Variants in ZFR2 observed in about 807,000 individuals in gnomAD.
ZFR2 encodes zinc finger RNA-binding protein 2.
A neutral mutation model predicts 105.7 loss-of-function variants in ZFR2; 104 were observed. That is an observed-to-expected ratio of 0.98 (90% CI 0.84 to 1.16). ZFR2 has a LOEUF of 1.16. Among genes scored for constraint, ZFR2 ranks in the 50% most tolerant of loss-of-function variants. ZFR2 has a pLI of 0.00. For synonymous variants in ZFR2, 634 were observed against 597.7 expected (o/e 1.06, Z -0.89); for missense variants, 1,425 against 1,355.5 (o/e 1.05, Z -0.80).
intron 15 of ZFR2, 32 bp from the exon 16 acceptor site, chr19:3,810,877 GGGGCTCAC>G: frequency 6.5e-7 from 1 of 1,548,366 alleles, no homozygotes; most frequent in Non-Finnish European, 8.7e-7. Flanking sequence ...TTAGCTTTCA[GGGGCTCAC>G]GTGGCCACAC....
Position 3,833,784 on chromosome 19 carries a change from TG to T in ZFR2, c.265-7del. 1 of 1,566,316 alleles carries T rather than the reference TG, an allele frequency of 6.4e-7. No individual in the cohort carries two copies. The highest frequency in any genetic ancestry group is 8.7e-7 in the Non-Finnish European group (1 of 1,154,852). ...TGTCCGTAGCTGTAACTGTCCTATG[TG>T]GGGGTTTCGGCAGGAGAGAGACAGA... On this transcript the variant is annotated splice_region_variant and splice_polypyrimidine_tract_variant and intron_variant, in intron 2 of 18. Transcript: ENST00000262961.
In ZFR2 at chr19:3,822,102, C is replaced by A. The variant is rs1371001404; in HGVS notation, c.1470G>T (p.Arg490=). ...GCACCCGGTACTGCAGCCGGTGCCG[C>A]CGCCCCCTCACGTGCAGGTCCTTCG... ...LNAKDLHVRG[R]RHRLQYRKKV... Residue 490 remains arginine, a synonymous_variant, in exon 9 of 19, where the codon CGG becomes CGT. Coordinates refer to ENST00000262961, the MANE Select transcript of ZFR2 (RefSeq NM_015174.2). 1 of 1,607,670 alleles carries A rather than the reference C, an allele frequency of 6.2e-7. No homozygotes were observed. Among genetic ancestry groups the A allele is most frequent in the Non-Finnish European group, 8.5e-7 (1 of 1,177,660 alleles).
chr19:3,819,568 T>C (rs1020149006), intron 11 of ZFR2, among the ~76,000 whole-genome samples: 13 of 152,130 alleles, frequency 8.5e-5, no homozygotes, highest in East Asian at 1.9e-4. Flanking sequence ...GAGGTTCCCA[T>C]TGAGGCCGGG....
intron 3 of ZFR2, among the ~76,000 whole-genome samples, chr19:3,832,091 G>A (rs555590934): frequency 1.3e-5 from 2 of 152,132 alleles, no homozygotes; most frequent in African/African-American, 4.8e-5. Flanking sequence ...CTGCCATGGG[G>A]GAGGAGGGCT....
chr19:3,861,754 C>T (rs2038376069), intron 1 of ZFR2, among the ~76,000 whole-genome samples: 1 of 152,146 alleles, frequency 6.6e-6, no homozygotes. Flanking sequence ...GGTGAAACCT[C>T]GTCTCTATTA....
chr19:3,856,182 C>T, intron 1 of ZFR2, among the ~76,000 whole-genome samples: 1 of 152,178 alleles, frequency 6.6e-6, no homozygotes, highest in Non-Finnish European at 1.5e-5. Context: ...GCACGAAGGA[C>T]TGCCGGCGGC....
chr19:3,809,620 C>T (rs933699157), intron 16 of ZFR2, among the ~76,000 whole-genome samples: 7 of 152,182 alleles, frequency 4.6e-5, no homozygotes, highest in Admixed American at 1.3e-4. Context: ...GACCTCCTCC[C>T]AGGAGAGGAG....
At position 3,819,213 on chromosome 19, in the gene ZFR2, C is replaced by A; in HGVS notation, c.1763G>T (p.Ser588Ile). Residue 588 changes from serine to isoleucine, a missense_variant, in exon 12 of 19, where the codon AGC (serine) becomes ATC (isoleucine). Physicochemically the swap from Ser to Ile is moderately radical, Grantham distance 142. Transcript: ENST00000262961. ...PLQPGRRPASSDDRHVMCKHA... is the reference protein window; with the variant it reads ...PLQPGRRPASIDDRHVMCKHA... ...CTTGCACATGACGTGCCGGTCGTCG[C>A]TGGACGCCGGCCGCCGCCCGGGCTG... 2 of 1,559,242 alleles carry A rather than the reference C, an allele frequency of 1.3e-6. No homozygotes were observed. The highest frequency in any genetic ancestry group is 1.7e-6 in the Non-Finnish European group (2 of 1,160,238).
In ZFR2 at chr19:3,823,444, G is replaced by T. The variant is rs766068824; in HGVS notation, c.1214-41C>A. ...ATGTCACTTATACCCTGTTCCAGGA[G>T]AAAGCACTGCAGCTGCAGACCCGCC... is the stretch of plus-strand genomic sequence containing the variant. On this transcript the variant is annotated intron_variant, in intron 7 of 18. Coordinates refer to ENST00000262961, the MANE Select transcript of ZFR2 (RefSeq NM_015174.2). This position sits in a 1 kb window ranked among gnomAD's most constrained non-coding sequence, Gnocchi z 5.4. The T allele has an allele frequency of 6.5e-7, 1 of 1,540,916 alleles. No individual in the cohort carries two copies. Among genetic ancestry groups the T allele is most frequent in the Non-Finnish European group, 8.7e-7 (1 of 1,145,000 alleles).
intron 7 of ZFR2, 63 bp downstream of exon 7, chr19:3,825,167 G>T: frequency 2.1e-6 from 3 of 1,396,112 alleles, no homozygotes; most frequent in Middle Eastern, 1.9e-4. Context: ...ATTTTCTCAC[G>T]AAACTTTCAC....
intron 1 of ZFR2, among the ~76,000 whole-genome samples, chr19:3,861,290 T>C (rs1266690874): frequency 6.6e-6 from 1 of 152,164 alleles, no homozygotes; most frequent in Non-Finnish European, 1.5e-5. Context: ...CCCCCAAATA[T>C]GTACAAATTA....
At chr19:3,837,408 G>A (rs952531415) in intron 1 of ZFR2, among the ~76,000 whole-genome samples, 20 of 150,126 alleles carry the variant, frequency 1.3e-4, no homozygotes, top group East Asian at 1.0e-3. Context: ...GATGAACACC[G>A]TGACTGTGGA....
rs1298954337 is a variant in ZFR2 at position 3,838,893 on chromosome 19, C to G, written c.54-3910G>C. 6.6e-6 allele frequency among the ~76,000 whole-genome samples: 1 copy of G among 152,160 alleles called. No individual in the cohort carries two copies. Among genetic ancestry groups the G allele is most frequent in the Non-Finnish European group, 1.5e-5 (1 of 68,044 alleles). On this transcript the variant is annotated intron_variant, in intron 1 of 18. Transcript: ENST00000262961. The surrounding 1 kb of genome is among the most constrained non-coding windows in gnomAD (Gnocchi z 4.9). ...CAGCTGCCCAGCTGTCTCCCGGGGC[C>G]GCGGCACGTGGCATGCAGCAGGGGC... is the stretch of plus-strand genomic sequence containing the variant.
In ZFR2 at chr19:3,823,959, C is replaced by T. The variant is rs1383078212; in HGVS notation, c.1214-556G>A. On this transcript the variant is annotated intron_variant, in intron 7 of 18. Transcript: ENST00000262961. This position sits in a 1 kb window ranked among gnomAD's most constrained non-coding sequence, Gnocchi z 5.4. The stretch of plus-strand genomic sequence containing the variant: ...GTTCCAATTCCACCTCCACCGTTTA[C>T]GGCTTTTCCATCTACACATTGGGAC... 1.3e-5 allele frequency among the ~76,000 whole-genome samples: 2 copies of T among 151,848 alleles called. No individual in the cohort carries two copies. Among genetic ancestry groups the T allele is most frequent in the Admixed American group, 6.6e-5 (1 of 15,242 alleles).
At chr19:3,811,108 G>A (rs909692833) in intron 15 of ZFR2, among the ~76,000 whole-genome samples, 164 bp downstream of exon 15, 29 of 152,232 alleles carry the variant, frequency 1.9e-4, no homozygotes, top group African/African-American at 5.1e-4. Flanking sequence ...AGGAGCCAGC[G>A]TTGGTTGTCA....
At position 3,858,250 on chromosome 19, in the gene ZFR2, A is replaced by G. The variant is rs548649676; in HGVS notation, c.53+10715T>C. 1.3e-5 allele frequency among the ~76,000 whole-genome samples: 2 copies of G among 152,232 alleles called. No individual in the cohort carries two copies. The highest frequency in any genetic ancestry group is 4.2e-4 in the South Asian group (2 of 4,816). ...CCATGCTCTTGCTTGCTCCGAAGAG[A>G]CGGAGCAGGCTTAGGTGTGGTCCAC... On this transcript the variant is annotated intron_variant, in intron 1 of 18. Coordinates refer to ENST00000262961, the MANE Select transcript of ZFR2 (RefSeq NM_015174.2). The surrounding 1 kb of genome is among the most constrained non-coding windows in gnomAD (Gnocchi z 4.3).
At chr19:3,815,548 T>C (rs1486888024) in intron 13 of ZFR2, among the ~76,000 whole-genome samples, 1 of 152,230 alleles carries the variant, frequency 6.6e-6, no homozygotes, top group Non-Finnish European at 1.5e-5. Context: ...TCGCCATTGC[T>C]GCGAATGTTT....
At chr19:3,842,587 T>C (rs936974150) in intron 1 of ZFR2, among the ~76,000 whole-genome samples, 12 of 152,172 alleles carry the variant, frequency 7.9e-5, no homozygotes, top group African/African-American at 2.4e-4. Context: ...AGATGTACAA[T>C]TGTCACTTCA....
rs201810269 is a variant in ZFR2 at position 3,834,896 on chromosome 19, C to G, written c.141G>C (p.Pro47=). ...CTGCCGGGGCAGCTGGGGGAAAGGCCGGGTTCACGGCAGGGTCCATCCCAG... is the reference window on the plus strand; with the variant it reads ...CTGCCGGGGCAGCTGGGGGAAAGGCGGGGTTCACGGCAGGGTCCATCCCAG... ...PTPGMDPAVN[P]AFPPAAPAGY... The change falls in exon 2 of 19, where the codon CCG becomes CCC. Residue 47 remains proline, a synonymous_variant. Transcript: ENST00000262961. The surrounding 1 kb of genome is among the most constrained non-coding windows in gnomAD (Gnocchi z 5.3). 6.2e-7 allele frequency: 1 copy of G among 1,611,680 alleles called. No homozygotes were observed. Among genetic ancestry groups the G allele is most frequent in the Non-Finnish European group, 8.5e-7 (1 of 1,179,060 alleles).
Sources: allele counts gnomAD v4.1 joint callset (sites outside exome capture counted in the v4.1 genomes callset), GRCh38; gene constraint gnomAD v4.1.1; non-coding constraint Gnocchi (gnomAD v3.1); transcripts MANE v1.5; gene names NCBI Gene and HGNC (gene_info 2026-07-23, HGNC 2026-07-21).